The following SDK1 variants were observed in gnomAD, a reference collection of about 807,000 sequenced individuals.
The protein encoded by SDK1 is protein sidekick-1.
A neutral mutation model predicts 245.5 loss-of-function variants in SDK1; 157 were observed. The observed-to-expected ratio is 0.64, with a 90% confidence interval of 0.56 to 0.73. The LOEUF is 0.73. SDK1 is among the 30% of genes least tolerant of loss of function. The pLI, the probability that SDK1 is intolerant of heterozygous loss-of-function variation, is 0.00. For missense variants in SDK1, 3,583 were observed against 3,002.3 expected, an observed-to-expected ratio of 1.19 and a Z score of -4.52; for synonymous variants, 1,647 against 1,278.5, an observed-to-expected ratio of 1.29 and a Z score of -6.15.
At chr7:3,454,398 G>GTGTGTGTGTGTGTA (rs2128592745) in intron 1 of SDK1, among the ~76,000 whole-genome samples, 1 of 148,914 alleles carries the variant, frequency 6.7e-6, no homozygotes, top group South Asian at 2.2e-4. Flanking sequence ...TTGTGTGTGT[G>GTGTGTGTGTGTGTA]TGTGTGTGTG....
At chr7:4,252,403 C>A (rs1583180016) in intron 44 of SDK1, among the ~76,000 whole-genome samples, 1 of 152,256 alleles carries the variant, frequency 6.6e-6, no homozygotes, top group Middle Eastern at 3.4e-3. Flanking sequence ...TTTTTTATGG[C>A]TGCATAGTAT....
chr7:3,532,826 C>G (rs948153033), intron 1 of SDK1, among the ~76,000 whole-genome samples: 1 of 152,046 alleles, frequency 6.6e-6, no homozygotes, highest in Non-Finnish European at 1.5e-5. Flanking sequence ...ACCTCCTCTG[C>G]GTTCTTGTCA....
chr7:3,901,972 G>A lies in SDK1; in HGVS notation c.848-48951G>A, dbSNP rs145596905. On this transcript the variant is annotated intron_variant, in intron 5 of 44. Coordinates refer to ENST00000404826, the MANE Select transcript of SDK1 (RefSeq NM_152744.4). ...AGTATCTCCTCTATCTTTTCCGGAT[G>A]TTCTCCTCTGTCTTTGAGTGTGTCT... 6.9e-3 allele frequency among the ~76,000 whole-genome samples: 1,049 copies of A among 152,240 alleles called. 13 individuals carry two copies. Among genetic ancestry groups the A allele is most frequent in the African/African-American group, 0.024 (996 of 41,530 alleles).
chr7:4,239,922 G>A (rs965148701), intron 42 of SDK1, among the ~76,000 whole-genome samples: 3 of 152,122 alleles, frequency 2.0e-5, no homozygotes, highest in Admixed American at 2.0e-4. Context: ...TCCTGACCCC[G>A]ACCACAAGTC....
chr7:4,023,029 C>T (rs560161088), intron 17 of SDK1, among the ~76,000 whole-genome samples: 10 of 152,098 alleles, frequency 6.6e-5, no homozygotes, highest in Non-Finnish European at 1.3e-4. Context: ...CTGCCTCGGC[C>T]TCCCAAAGTG....
rs112131281 is a variant in SDK1 at position 3,731,499 on chromosome 7, C to G, written c.713+89394C>G. The stretch of plus-strand genomic sequence containing the variant: ...GAGTTGCCAGATGACGTTTCTTCTG[C>G]TATTCTTTCATGTTTAGTAGTGTCG... On this transcript the variant is annotated intron_variant, in intron 4 of 44. Transcript: ENST00000404826. Among the ~76,000 whole-genome samples the G allele has an allele frequency of 3.9e-3, 592 of 152,278 alleles. 4 individuals are homozygous for G. The highest frequency in any genetic ancestry group is 0.012 in the African/African-American group (517 of 41,564).
At chr7:3,486,675 G>A (rs559616060) in intron 1 of SDK1, among the ~76,000 whole-genome samples, 6 of 152,082 alleles carry the variant, frequency 3.9e-5, no homozygotes, top group South Asian at 4.1e-4. Flanking sequence ...CAAGTAAGGC[G>A]TTAAATTTCA....
At position 4,161,113 on chromosome 7, in the gene SDK1, A is replaced by C. The variant is rs369305648; in HGVS notation, c.4730-673A>C. ...CCAAGACAGGACCACACAGATTTGGAGGGAGCAGAGGAGGCAGGGAAGAGG... is the reference window on the plus strand; with the variant it reads ...CCAAGACAGGACCACACAGATTTGGCGGGAGCAGAGGAGGCAGGGAAGAGG... On this transcript the variant is annotated intron_variant, in intron 31 of 44. Coordinates refer to ENST00000404826, the MANE Select transcript of SDK1 (RefSeq NM_152744.4). Among the ~76,000 whole-genome samples the C allele has an allele frequency of 3.3e-5, 5 of 152,288 alleles. 1 individual carries two copies. In the East Asian group the frequency reaches 7.7e-4, roughly 24 times the overall value.
At chr7:3,534,670 C>T (rs1261773107) in intron 1 of SDK1, among the ~76,000 whole-genome samples, 1 of 152,040 alleles carries the variant, frequency 6.6e-6, no homozygotes, top group Non-Finnish European at 1.5e-5. Context: ...AGAGGCTTTC[C>T]TCGGTTGTTT....
intron 2 of SDK1, among the ~76,000 whole-genome samples, chr7:3,635,133 AT>A (rs1313201701): frequency 6.6e-6 from 1 of 152,194 alleles, no homozygotes; most frequent in Non-Finnish European, 1.5e-5. Flanking sequence ...CCTGGTCTGG[AT>A]TTGTAATTTA....
intron 1 of SDK1, among the ~76,000 whole-genome samples, chr7:3,392,086 G>A (rs1247168832): frequency 6.6e-6 from 1 of 151,758 alleles, no homozygotes; most frequent in African/African-American, 2.4e-5. Flanking sequence ...GAAAGTATTA[G>A]TATTATAAAG....
At chr7:3,756,079 A>G (rs966863033) in intron 4 of SDK1, among the ~76,000 whole-genome samples, 1 of 148,848 alleles carries the variant, frequency 6.7e-6, no homozygotes, top group African/African-American at 2.5e-5. Flanking sequence ...CTCCTTTCAC[A>G]TGGCATAGCA....
chr7:4,114,259 C>T lies in SDK1; in HGVS notation c.3808C>T (p.Arg1270Trp), dbSNP rs959601116. The T allele has an allele frequency of 4.4e-6, 7 of 1,605,724 alleles. No homozygotes were observed. The highest frequency in any genetic ancestry group is 2.2e-5 in the East Asian group (1 of 44,594). Residue 1270 changes from arginine to tryptophan, a missense_variant, in exon 25 of 45, where the codon CGG becomes TGG. Transcript: ENST00000404826. ...GCCGTGGAGCGAGGTGGTGCGGGGC[C>T]GGACGCGGGAGTCAGGTGAGGGGAA... ...AGPWSEVVRG[R>W]TRESVPSAAP...
At chr7:3,664,460 C>T (rs766989718) in intron 4 of SDK1, among the ~76,000 whole-genome samples, 6 of 152,022 alleles carry the variant, frequency 3.9e-5, no homozygotes, top group African/African-American at 9.7e-5. Flanking sequence ...AACTAGCATC[C>T]GGGCACAGTG....
chr7:3,578,586 A>G (rs1241824614), intron 1 of SDK1, among the ~76,000 whole-genome samples: 1 of 151,926 alleles, frequency 6.6e-6, no homozygotes, highest in African/African-American at 2.4e-5. Context: ...CAACCGCATA[A>G]GACAGACACT....
At chr7:3,452,251 A>G (rs138376910) in intron 1 of SDK1, among the ~76,000 whole-genome samples, 1 of 152,272 alleles carries the variant, frequency 6.6e-6, no homozygotes, top group Non-Finnish European at 1.5e-5. Flanking sequence ...CAAGGACTCT[A>G]GGATGGTGCT....
At chr7:3,657,438 G>C (rs1397083383) in intron 4 of SDK1, among the ~76,000 whole-genome samples, 1 of 152,186 alleles carries the variant, frequency 6.6e-6, no homozygotes, top group South Asian at 2.1e-4. Context: ...GAGCGTCACT[G>C]TCTGGAAATT....
chr7:3,405,637 A>G (rs1243463070), intron 1 of SDK1, among the ~76,000 whole-genome samples: 7 of 152,190 alleles, frequency 4.6e-5, no homozygotes, highest in African/African-American at 1.4e-4. Flanking sequence ...AGCAGGAGGT[A>G]GTGTTATCAG....
chr7:3,507,004 A>C (rs548651280), intron 1 of SDK1, among the ~76,000 whole-genome samples: 1 of 152,178 alleles, frequency 6.6e-6, no homozygotes, highest in African/African-American at 2.4e-5. Context: ...AAGCTACCTT[A>C]CAAGTATGTC....
Sources: allele counts gnomAD v4.1 joint callset (sites outside exome capture counted in the v4.1 genomes callset), GRCh38; gene constraint gnomAD v4.1.1; transcripts MANE v1.5; gene names NCBI Gene and HGNC (gene_info 2026-07-23, HGNC 2026-07-21).